Variants in POLH observed in about 807,000 individuals in gnomAD.
POLH encodes the protein DNA polymerase eta, also known as DNA polymerase eta transcript.
POLH carries 53 observed loss-of-function variants against 73.6 expected under a neutral mutation model. That is an observed-to-expected ratio of 0.72 (90% CI 0.58 to 0.91). The LOEUF (loss-of-function observed/expected upper bound fraction) is 0.91, where lower values mean the gene tolerates loss of function less well. Among genes scored for constraint, POLH ranks in the 40% least tolerant of loss-of-function variants. The pLI, the probability that POLH is intolerant of heterozygous loss-of-function variation, is 0.00. For missense variants in POLH, 768 were observed against 865.4 expected, an observed-to-expected ratio of 0.89 and a Z score of 1.41; for synonymous variants, 292 against 308.5, an observed-to-expected ratio of 0.95 and a Z score of 0.56.
At chr6:43,578,514 G>C (rs540055840) in intron 1 of POLH, 5 of 344,576 alleles carry the variant, frequency 1.5e-5, no homozygotes, top group African/African-American at 9.0e-5. Flanking sequence ...ACAAGAGCGA[G>C]ACTTTGTCTC....
rs560212503 is a variant in POLH, at chr6:43,617,042, T to G, written c.*2485T>G. Reference sequence around the variant, plus strand: ...CTGTATCTACTAAAAATACAAAAATTAGCCGGGCATGGTGGTGGGTGCGTG... The same window carrying G: ...CTGTATCTACTAAAAATACAAAAATGAGCCGGGCATGGTGGTGGGTGCGTG... On this transcript the variant is annotated 3_prime_UTR_variant, in exon 11 of 11. Coordinates refer to ENST00000372236, the MANE Select transcript of POLH (RefSeq NM_006502.3). Among the ~76,000 whole-genome samples, 2 of 152,164 alleles carry G rather than the reference T, an allele frequency of 1.3e-5. No individual in the cohort carries two copies. Among genetic ancestry groups the G allele is most frequent in the African/African-American group, 4.8e-5 (2 of 41,534 alleles).
At chr6:43,604,125 G>T in intron 7 of POLH, 114 bp downstream of exon 7, 1 of 906,990 alleles carries the variant, frequency 1.1e-6, no homozygotes, top group East Asian at 2.6e-5. Flanking sequence ...TTTGTTTCTT[G>T]AGATTATTTC....
At chr6:43,577,161 G>A (rs1763451130) in intron 1 of POLH, among the ~76,000 whole-genome samples, 1 of 152,228 alleles carries the variant, frequency 6.6e-6, no homozygotes, top group South Asian at 2.1e-4. Context: ...CTGGGCGACA[G>A]AGCGAAACTC....
chr6:43,582,696 T>G lies in POLH; in HGVS notation c.137+240T>G, dbSNP rs941833755. Among the ~76,000 whole-genome samples the G allele has an allele frequency of 5.9e-5, 9 of 152,044 alleles. 1 individual carries two copies. The highest frequency in any genetic ancestry group is 5.2e-4 in the Admixed American group (8 of 15,280). On this transcript the variant is annotated intron_variant, in intron 2 of 10. Coordinates refer to ENST00000372236, the MANE Select transcript of POLH (RefSeq NM_006502.3). ...CCCCACCATGCCAAGCTGATTTTAT[T>G]TTTTGGGGGGTGGGTAGAGATGGGG...
In POLH at chr6:43,614,134, G is replaced by GT. The variant is rs770455578; in HGVS notation, c.1720dup (p.Cys574LeufsTer6). 2 of 1,614,202 alleles carry GT rather than the reference G, an allele frequency of 1.2e-6. No homozygotes were observed. Among genetic ancestry groups the GT allele is most frequent in the South Asian group, 1.1e-5 (1 of 91,084 alleles). ...ACTCTTTACCAACAGAGTATCCAGG[G>GT]TGTGTCCCTGTTTGTGAAGGGGTGT... On this transcript the variant is annotated frameshift_variant, in exon 11 of 11. Coordinates refer to ENST00000372236, the MANE Select transcript of POLH (RefSeq NM_006502.3). LOFTEE classifies it high-confidence loss of function.
At chr6:43,591,609 G>A (rs976314177) in intron 4 of POLH, among the ~76,000 whole-genome samples, 55 of 150,068 alleles carry the variant, frequency 3.7e-4, no homozygotes, top group Admixed American at 7.3e-4. Context: ...ATGAGCCACC[G>A]CACCCAGCCT....
chr6:43,582,617 G>A (rs1231080635), intron 2 of POLH, among the ~76,000 whole-genome samples, 161 bp downstream of exon 2: 2 of 152,028 alleles, frequency 1.3e-5, no homozygotes, highest in Admixed American at 6.6e-5. Flanking sequence ...CTTTGACCTG[G>A]GCTCAAGTGA....
intron 4 of POLH, among the ~76,000 whole-genome samples, chr6:43,592,480 C>T (rs1765570969): frequency 1.3e-5 from 2 of 149,212 alleles, no homozygotes; most frequent in South Asian, 2.1e-4. Flanking sequence ...GGTGCAATCT[C>T]GGCTCACTGC....
chr6:43,601,462 C>T (rs1265954440), intron 6 of POLH, among the ~76,000 whole-genome samples: 1 of 151,948 alleles, frequency 6.6e-6, no homozygotes, highest in African/African-American at 2.4e-5. Context: ...GACAGGGTTT[C>T]ACCATGTTGG....
rs191910905 is a variant in POLH at position 43,599,949 on chromosome 6, G to A, written c.661-1039G>A. On this transcript the variant is annotated intron_variant, in intron 5 of 10. Transcript: ENST00000372236. ...CGAGGCTGGTGGATCACCTGAGGTT[G>A]GGAGTTCAAGACCAGCCTGACCAAT... Among the ~76,000 whole-genome samples the A allele has an allele frequency of 6.0e-3, 906 of 152,058 alleles. 11 individuals carry two copies. Among genetic ancestry groups the A allele is most frequent in the African/African-American group, 0.021 (862 of 41,510 alleles).
chr6:43,591,572 G>T (rs1243430467), intron 4 of POLH, among the ~76,000 whole-genome samples: 1 of 151,326 alleles, frequency 6.6e-6, no homozygotes, highest in Non-Finnish European at 1.5e-5. Flanking sequence ...ATCTGCCTTG[G>T]CCTCCCAAAG....
chr6:43,579,898 CTTT>C (rs112592108), intron 1 of POLH, among the ~76,000 whole-genome samples: 9 of 137,022 alleles, frequency 6.6e-5, no homozygotes, highest in South Asian at 2.3e-4. Flanking sequence ...GTGAAAGAAT[CTTT>C]TTTTTTTTTT....
chr6:43,586,672 A>C (rs1255247094), intron 3 of POLH, among the ~76,000 whole-genome samples: 1 of 152,092 alleles, frequency 6.6e-6, no homozygotes, highest in Non-Finnish European at 1.5e-5. Flanking sequence ...TGATCATTTG[A>C]ATATTAGTAT....
At chr6:43,577,032 A>T (rs924964773) in intron 1 of POLH, among the ~76,000 whole-genome samples, 1 of 152,134 alleles carries the variant, frequency 6.6e-6, no homozygotes, top group African/African-American at 2.4e-5. Context: ...TAGTATTTTT[A>T]TACAGGCGTG....
Position 43,620,192 on chromosome 6 carries a change from T to C in POLH, c.*5635T>C. Reference sequence around the variant, plus strand: ...CTGCCAGGGCACAGAAGTGGGCTCCTTACTATTCTGACCACTAGCAAGTGG... The same window carrying C: ...CTGCCAGGGCACAGAAGTGGGCTCCCTACTATTCTGACCACTAGCAAGTGG... On this transcript the variant is annotated 3_prime_UTR_variant, in exon 11 of 11. Transcript: ENST00000372236. 2.0e-6 allele frequency: 1 copy of C among 504,246 alleles called. No individual in the cohort carries two copies. The highest frequency in any genetic ancestry group is 3.9e-6 in the Non-Finnish European group (1 of 256,152). The allele number at this position is 504,246 out of a possible 1,614,324, so 31.2% of individuals were successfully genotyped here.
chr6:43,619,237 G>T lies in POLH; in HGVS notation c.*4680G>T, dbSNP rs1008867172. On this transcript the variant is annotated 3_prime_UTR_variant, in exon 11 of 11. Transcript: ENST00000372236. ...AAAAAATACAAAGATGGTGGCTTAT[G>T]CCTGTAGTCGTACCTACTCAGGAGG... Among the ~76,000 whole-genome samples the T allele has an allele frequency of 6.6e-6, 1 of 151,852 alleles. No individual in the cohort carries two copies. Among genetic ancestry groups the T allele is most frequent in the Non-Finnish European group, 1.5e-5 (1 of 67,994 alleles).
chr6:43,581,600 C>T (rs1476010672), intron 1 of POLH, among the ~76,000 whole-genome samples: 3 of 149,574 alleles, frequency 2.0e-5, no homozygotes, highest in South Asian at 2.1e-4. Context: ...CGCTGCCTCC[C>T]GGGCGGCGCT....
intron 5 of POLH, 101 bp from the exon 6 acceptor site, chr6:43,600,887 A>C (rs1766663948): frequency 1.2e-6 from 1 of 800,498 alleles, no homozygotes. Context: ...CATTAGTTAC[A>C]GCTATTAAGC....
At chr6:43,605,148 G>T in intron 8 of POLH, 106 bp from the exon 9 acceptor site, 1 of 735,976 alleles carries the variant, frequency 1.4e-6, no homozygotes. Context: ...GGGAGTCTTT[G>T]GTGCACAATT....
Sources: gnomAD v4.1 joint callset for allele counts (sites outside exome capture counted in the v4.1 genomes callset) on GRCh38, gnomAD v4.1.1 for gene constraint, MANE v1.5 for transcripts, NCBI Gene and HGNC (gene_info 2026-07-23, HGNC 2026-07-21) for gene names.